The following NCKAP5 variants were observed in gnomAD, a reference collection of about 807,000 sequenced individuals.
The protein encoded by NCKAP5 is NCK associated protein 5, also known as nck-associated protein 5.
In NCKAP5, 92 loss-of-function variants were observed where a neutral mutation model predicts 167.0. The ratio of observed to expected loss-of-function variants is 0.55; its 90% CI spans 0.47 to 0.66. The LOEUF (loss-of-function observed/expected upper bound fraction) is 0.66, where lower values mean the gene tolerates loss of function less well. Among genes scored for constraint, NCKAP5 ranks in the 30% least tolerant of loss-of-function variants. The pLI is 0.00. For missense variants in NCKAP5, 2,378 were observed against 2,315.0 expected (o/e 1.03, Z -0.56); for synonymous variants, 891 against 877.4 (o/e 1.02, Z -0.27).
chr2:133,377,693 A>G (rs553248600), intron 3 of NCKAP5, among the ~76,000 whole-genome samples: 1 of 152,334 alleles, frequency 6.6e-6, no homozygotes, highest in Admixed American at 6.5e-5. Context: ...GAGACCACCT[A>G]CCGTGTGCAA....
chr2:133,220,742 G>A (rs2086625881), intron 4 of NCKAP5, among the ~76,000 whole-genome samples: 1 of 152,184 alleles, frequency 6.6e-6, no homozygotes, highest in Non-Finnish European at 1.5e-5. Context: ...TATTCAGTTT[G>A]TGTTATGTGG....
chr2:133,476,632 A>T (rs1679929299), intron 3 of NCKAP5, among the ~76,000 whole-genome samples: 1 of 152,198 alleles, frequency 6.6e-6, no homozygotes, highest in Non-Finnish European at 1.5e-5. Flanking sequence ...CTTCCCCTAG[A>T]GCCAATGATA....
chr2:133,469,743 C>T (rs922672908), intron 3 of NCKAP5, among the ~76,000 whole-genome samples: 4 of 151,724 alleles, frequency 2.6e-5, no homozygotes, highest in East Asian at 1.9e-4. Context: ...CTTCCCTTCT[C>T]GCTTCATTTC....
At chr2:132,724,048 C>T in intron 19 of NCKAP5, among the ~76,000 whole-genome samples, 1 of 152,278 alleles carries the variant, frequency 6.6e-6, no homozygotes, top group African/African-American at 2.4e-5. Context: ...TCCTGGGCTC[C>T]AGAGCTTGCT....
intron 7 of NCKAP5, among the ~76,000 whole-genome samples, chr2:132,974,470 G>A (rs924098367): frequency 2.6e-5 from 4 of 152,166 alleles, no homozygotes; most frequent in South Asian, 2.1e-4. Context: ...TGGCAAGGGC[G>A]ATATAGGGCA....
At chr2:132,886,297 G>A (rs553148618) in intron 8 of NCKAP5, among the ~76,000 whole-genome samples, 35 of 152,258 alleles carry the variant, frequency 2.3e-4, no homozygotes, top group Non-Finnish European at 3.8e-4. Flanking sequence ...ATCTATACCT[G>A]GAGACAACTT....
chr2:133,232,571 T>C (rs2087202211), intron 4 of NCKAP5, among the ~76,000 whole-genome samples: 1 of 152,052 alleles, frequency 6.6e-6, no homozygotes, highest in Non-Finnish European at 1.5e-5. Flanking sequence ...TTTAGCACAA[T>C]ACAATAAGAC....
chr2:132,761,194 A>T (rs779669838), intron 16 of NCKAP5, among the ~76,000 whole-genome samples: 3 of 149,710 alleles, frequency 2.0e-5, no homozygotes, highest in Non-Finnish European at 3.0e-5. Flanking sequence ...TGAGTCTTTG[A>T]TCTAACATTT....
At chr2:133,255,738 T>C (rs1300045747) in intron 4 of NCKAP5, among the ~76,000 whole-genome samples, 4 of 152,228 alleles carry the variant, frequency 2.6e-5, no homozygotes, top group Non-Finnish European at 5.9e-5. Context: ...CAGCAGCTTT[T>C]ATCCTGTTTT....
At chr2:132,949,545 G>C (rs529545297) in intron 8 of NCKAP5, among the ~76,000 whole-genome samples, 1 of 152,246 alleles carries the variant, frequency 6.6e-6, no homozygotes, top group African/African-American at 2.4e-5. Flanking sequence ...CCCTTCCTCT[G>C]TCTCCAGACA....
At chr2:133,386,033 G>T (rs1047755604) in intron 3 of NCKAP5, among the ~76,000 whole-genome samples, 1 of 151,992 alleles carries the variant, frequency 6.6e-6, no homozygotes, top group Non-Finnish European at 1.5e-5. Flanking sequence ...AGGGTTCTTT[G>T]TGTCTCTATT....
intron 8 of NCKAP5, among the ~76,000 whole-genome samples, chr2:132,911,761 G>C (rs1216488428): frequency 6.6e-6 from 1 of 152,146 alleles, no homozygotes. Context: ...ATCCTAAAGA[G>C]GTAACGGAGA....
At chr2:132,920,757 GTATATATATGTATGTATATA>G (rs1695313842) in intron 8 of NCKAP5, among the ~76,000 whole-genome samples, 1 of 31,080 alleles carries the variant, frequency 3.2e-5, no homozygotes, top group Non-Finnish European at 5.1e-5. Flanking sequence ...ATATATATAT[GTATATATATGTATGTATATA>G]TATATATATA....
At chr2:132,695,292 A>G (rs1687196377) in intron 19 of NCKAP5, among the ~76,000 whole-genome samples, 1 of 152,154 alleles carries the variant, frequency 6.6e-6, no homozygotes, top group Admixed American at 6.5e-5. Context: ...GGAAAAAAAA[A>G]GTCTGTTATT....
Position 132,783,262 on chromosome 2 carries a change from C to T in NCKAP5, c.3549G>A (p.Val1183=). The change falls in exon 14 of 20, where the codon GTG becomes GTA. Residue 1183 remains valine (V), a synonymous_variant. Coordinates refer to ENST00000409261, the MANE Select transcript of NCKAP5 (RefSeq NM_207363.3). ...CCTCTGGCTTAGACTTGTTCACAGC[C>T]ACGGAACTTTTGGAGGCTTCATTTA... ...DSLNEASKSS[V]AVNKSKPEDS... The T allele has an allele frequency of 6.2e-7, 1 of 1,613,918 alleles. No homozygotes were observed. Among genetic ancestry groups the T allele is most frequent in the South Asian group, 1.1e-5 (1 of 91,080 alleles).
intron 3 of NCKAP5, among the ~76,000 whole-genome samples, chr2:133,458,834 T>C (rs1165873526): frequency 6.6e-6 from 1 of 152,160 alleles, no homozygotes; most frequent in Admixed American, 6.5e-5. Context: ...TGTTAAGTTA[T>C]CAATGTTGTC....
In NCKAP5 at chr2:132,784,189, G is replaced by A; in HGVS notation, c.2622C>T (p.His874=). ...CCCTCCTGCTGGGCATCCTGGAGCT[G>A]TGCGGAAGTTGGGCGGAATGTTTTG... ...HIPKHSAQLP[H]SSRMPSRRDW... The change falls in exon 14 of 20, where the codon CAC becomes CAT. Residue 874 remains histidine (H), a synonymous_variant. Transcript: ENST00000409261. 6.4e-7 allele frequency: 1 copy of A among 1,558,020 alleles called. No homozygotes were observed. The highest frequency in any genetic ancestry group is 1.3e-5 in the South Asian group (1 of 79,754).
intron 3 of NCKAP5, among the ~76,000 whole-genome samples, chr2:133,477,959 A>T (rs75282004): frequency 0.015 from 2,247 of 152,332 alleles, 44 homozygotes; most frequent in African/African-American, 0.052. Flanking sequence ...GGTTGATAGT[A>T]ATTGACACTG....
At chr2:132,752,004 G>C (rs550899596) in intron 16 of NCKAP5, among the ~76,000 whole-genome samples, 1 of 152,356 alleles carries the variant, frequency 6.6e-6, no homozygotes, top group South Asian at 2.1e-4. Flanking sequence ...GTAAAATGCA[G>C]TGCATTAATT....
Sources: gnomAD v4.1 joint callset for allele counts (sites outside exome capture counted in the v4.1 genomes callset) on GRCh38, gnomAD v4.1.1 for gene constraint, MANE v1.5 for transcripts, NCBI Gene and HGNC (gene_info 2026-07-23, HGNC 2026-07-21) for gene names.